Variants in SMARCAD1 observed in about 807,000 individuals in gnomAD.
SMARCAD1 encodes the protein SWI/SNF-related matrix-associated actin-dependent regulator of chromatin subfamily A containing DEAD/H box 1.
In SMARCAD1, 25 loss-of-function variants were observed where a neutral mutation model predicts 127.1. That is an observed-to-expected ratio of 0.20 (90% CI 0.14 to 0.27). The LOEUF (loss-of-function observed/expected upper bound fraction) is 0.27. Among genes scored for constraint, SMARCAD1 ranks in the 10% least tolerant of loss-of-function variants. The pLI, the probability that SMARCAD1 is intolerant of heterozygous loss-of-function variation, is 1.00. For synonymous variants in SMARCAD1, 400 were observed against 396.9 expected, an observed-to-expected ratio of 1.01 and a Z score of -0.09; for missense variants, 807 against 1,206.0, an observed-to-expected ratio of 0.67 and a Z score of 4.90.
rs748529019 is a variant in SMARCAD1 at position 94,208,473 on chromosome 4, C to T, written c.79C>T (p.Pro27Ser). The T allele has an allele frequency of 2.5e-6, 4 of 1,614,006 alleles. No individual in the cohort carries two copies. Among genetic ancestry groups the T allele is most frequent in the Non-Finnish European group, 2.5e-6 (3 of 1,180,028 alleles). Reference sequence around the variant, plus strand: ...GGAAGCGCCCGAAGCAACCCCTCAACCTTCCCAGCCTGGCCCTTCTTCACC... The same window carrying T: ...GGAAGCGCCCGAAGCAACCCCTCAATCTTCCCAGCCTGGCCCTTCTTCACC... ...IEEAPEATPQ[P>S]SQPGPSSPIS... The change falls in exon 2 of 24, where the codon CCT (proline) becomes TCT (serine). Residue 27 changes from proline (P) to serine (S), a missense_variant. By Grantham distance (74) the Pro-to-Ser change is moderately conservative. This residue lies in a region of SMARCAD1 where 175 missense variants were observed against 169.5 expected (regional missense o/e 1.03). Transcript: ENST00000354268.
chr4:94,264,565 A>G, intron 9 of SMARCAD1, 142 bp from the exon 10 acceptor site: 1 of 624,216 alleles, frequency 1.6e-6, no homozygotes, highest in Admixed American at 3.3e-5. Context: ...AACATGAAGA[A>G]TCAGGTTCTC....
Position 94,246,547 on chromosome 4 carries a change from T to A in SMARCAD1, c.706-3107T>A, listed in dbSNP as rs114109908. On this transcript the variant is annotated intron_variant, in intron 6 of 23. Transcript: ENST00000354268. Reference sequence around the variant, plus strand: ...TCTAAAGAGGCAGATAGGTGCGGCCTTTCTTTTTTCTTAAGAGTGGAGTTT... The same window carrying A: ...TCTAAAGAGGCAGATAGGTGCGGCCATTCTTTTTTCTTAAGAGTGGAGTTT... Among the ~76,000 whole-genome samples the A allele has an allele frequency of 4.6e-3, 695 of 152,306 alleles. 4 individuals carry two copies. Among genetic ancestry groups the A allele is most frequent in the African/African-American group, 0.016 (645 of 41,584 alleles).
intron 12 of SMARCAD1, 148 bp from the exon 13 acceptor site, chr4:94,274,590 T>A (rs1434797646): frequency 2.6e-6 from 2 of 758,674 alleles, no homozygotes; most frequent in African/African-American, 1.7e-5. Context: ...GTGTTGGGAT[T>A]ACAGGCATGA....
chr4:94,242,399 G>C (rs1385655965), intron 6 of SMARCAD1, among the ~76,000 whole-genome samples: 2 of 151,908 alleles, frequency 1.3e-5, no homozygotes, highest in African/African-American at 2.4e-5. Context: ...CTCTTCCCCA[G>C]ACTTCCTGGT....
chr4:94,272,698 T>C (rs1752713495), intron 11 of SMARCAD1, among the ~76,000 whole-genome samples: 1 of 152,240 alleles, frequency 6.6e-6, no homozygotes, highest in Non-Finnish European at 1.5e-5. Flanking sequence ...TTTTGTTTTT[T>C]TAAATTGCCA....
At chr4:94,221,405 T>C (rs1652214691) in intron 2 of SMARCAD1, among the ~76,000 whole-genome samples, 1 of 152,102 alleles carries the variant, frequency 6.6e-6, no homozygotes, top group Non-Finnish European at 1.5e-5. Context: ...CAAATAACTC[T>C]AAGAAATTAC....
chr4:94,249,781 A>C (rs1748998985), intron 7 of SMARCAD1, 26 bp downstream of exon 7: 1 of 1,255,084 alleles, frequency 8.0e-7, no homozygotes, highest in Non-Finnish European at 1.2e-6. Flanking sequence ...TGAAAATTTA[A>C]TCAGTGTGTA....
chr4:94,243,028 G>A (rs13148156), intron 6 of SMARCAD1, among the ~76,000 whole-genome samples: 2,578 of 152,122 alleles, frequency 0.017, 30 homozygotes, highest in Non-Finnish European at 0.027. Context: ...GCATGATCTC[G>A]GCTCACTGAA....
In SMARCAD1 at chr4:94,282,100, G is replaced by GTTTTTTTTTTTTTT. The variant is rs70946518; in HGVS notation, c.2726+514_2726+527dup. On this transcript the variant is annotated intron_variant, in intron 21 of 23. Coordinates refer to ENST00000354268, the MANE Select transcript of SMARCAD1 (RefSeq NM_020159.5). ...GAATTACATGCAAATACGTTTTTTTGTTTTTTTTTTTTTTTTTGAGACGGA... is the reference window on the plus strand; with the variant it reads ...GAATTACATGCAAATACGTTTTTTTGTTTTTTTTTTTTTTTTTTTTTTTTTTTTTTTGAGACGGA... 1.2e-4 allele frequency among the ~76,000 whole-genome samples: 9 copies of GTTTTTTTTTTTTTT among 74,964 alleles called. 1 individual carries two copies. The highest frequency in any genetic ancestry group is 4.9e-4 in the Admixed American group (2 of 4,090). The allele number at this position is 74,964 out of a possible 152,430, so 49.2% of individuals were successfully genotyped here. A position where few individuals can be genotyped will look rare whatever the true frequency, so the allele number is the denominator to read the frequency against.
chr4:94,247,798 G>A (rs1159321507), intron 6 of SMARCAD1, among the ~76,000 whole-genome samples: 3 of 151,914 alleles, frequency 2.0e-5, no homozygotes, highest in Non-Finnish European at 4.4e-5. Context: ...TTTATGTCTA[G>A]CCTCTTATTT....
At chr4:94,210,245 C>G (rs984794819) in intron 2 of SMARCAD1, among the ~76,000 whole-genome samples, 1 of 152,140 alleles carries the variant, frequency 6.6e-6, no homozygotes, top group African/African-American at 2.4e-5. Context: ...GCCTTGATGG[C>G]TTCGGGAAAT....
chr4:94,249,293 A>G (rs1286160478), intron 6 of SMARCAD1, among the ~76,000 whole-genome samples: 76 of 152,110 alleles, frequency 5.0e-4, no homozygotes, highest in Admixed American at 5.0e-3. Flanking sequence ...TAGATGAGAT[A>G]TTTGTATCCT....
In SMARCAD1 at chr4:94,253,021, CT is replaced by C. The variant is rs1177120484; in HGVS notation, c.1281+21del. ...TGGGAGGCTCTGGTAAGGCTTTATT[CT>C]TTTTTTCCCCTTGTATGTGTGTGTG... On this transcript the variant is annotated intron_variant, in intron 9 of 23. Coordinates refer to ENST00000354268, the MANE Select transcript of SMARCAD1 (RefSeq NM_020159.5). The C allele has an allele frequency of 6.2e-7, 1 of 1,608,846 alleles. No individual in the cohort carries two copies.
chr4:94,248,710 A>T (rs542707492), intron 6 of SMARCAD1, among the ~76,000 whole-genome samples: 1 of 152,284 alleles, frequency 6.6e-6, no homozygotes, highest in South Asian at 2.1e-4. Flanking sequence ...GTATTATGAA[A>T]CACATGCAAT....
chr4:94,234,719 T>A (rs2125861903), intron 4 of SMARCAD1, among the ~76,000 whole-genome samples: 1 of 152,338 alleles, frequency 6.6e-6, no homozygotes, highest in East Asian at 1.9e-4. Flanking sequence ...AGTCTGTTCC[T>A]AGCTCTGCCA....
intron 2 of SMARCAD1, among the ~76,000 whole-genome samples, chr4:94,221,260 G>A (rs1456122045): frequency 1.3e-5 from 2 of 152,144 alleles, no homozygotes; most frequent in African/African-American, 4.8e-5. Context: ...GTCGACCTTT[G>A]GAAGATGTGT....
At chr4:94,276,931 T>C in intron 15 of SMARCAD1, 91 bp from the exon 16 acceptor site, 1 of 1,303,310 alleles carries the variant, frequency 7.7e-7, no homozygotes, top group Non-Finnish European at 1.1e-6. Context: ...TTAATTTATC[T>C]CTCCTCCCTT....
intron 16 of SMARCAD1, among the ~76,000 whole-genome samples, chr4:94,277,971 A>G (rs1215903331): frequency 1.3e-5 from 2 of 152,210 alleles, no homozygotes; most frequent in African/African-American, 4.8e-5. Context: ...AGTTCTGACT[A>G]AGCACTATTC....
At chr4:94,212,011 C>T (rs1357220211) in intron 2 of SMARCAD1, among the ~76,000 whole-genome samples, 1 of 151,850 alleles carries the variant, frequency 6.6e-6, no homozygotes, top group Non-Finnish European at 1.5e-5. Context: ...CTTGTTAGAA[C>T]ATATGATTCA....
Sources: gnomAD v4.1 joint callset for allele counts (sites outside exome capture counted in the v4.1 genomes callset) on GRCh38, gnomAD v4.1.1 for gene constraint, gnomAD v4.1.1 regional missense constraint, MANE v1.5 for transcripts, NCBI Gene and HGNC (gene_info 2026-07-23, HGNC 2026-07-21) for gene names.